The following SUGCT variants were observed in gnomAD, a reference collection of about 807,000 sequenced individuals.
SUGCT encodes the protein succinyl-CoA:glutarate-CoA transferase.
A neutral mutation model predicts 55.0 loss-of-function variants in SUGCT; 41 were observed. The observed-to-expected ratio is 0.74, with a 90% confidence interval of 0.58 to 0.97. The LOEUF is 0.97. SUGCT is among the 50% of genes least tolerant of loss of function. The pLI, the probability that SUGCT is intolerant of heterozygous loss-of-function variation, is 0.00. For missense variants in SUGCT, 568 were observed against 547.8 expected (o/e 1.04, Z -0.37); for synonymous variants, 187 against 200.4 (o/e 0.93, Z 0.56).
rs1338885686 is a variant in SUGCT, at chr7:40,847,407, C to CTTTTTTTTTTTTTTTTT, written c.1154-12906_1154-12905insTTTTTTTTTTTTTTTTT. ...GATGACATATACATTTCTTTTCTTT[C>CTTTTTTTTTTTTTTTTT]TTTCTTTTTTTTTTTTTTTTTTTTT... On this transcript the variant is annotated intron_variant, in intron 13 of 13. Coordinates refer to ENST00000335693, the MANE Select transcript of SUGCT (RefSeq NM_001193313.2). Among the ~76,000 whole-genome samples, 7 of 117,888 alleles carry CTTTTTTTTTTTTTTTTT rather than the reference C, an allele frequency of 5.9e-5. No homozygotes were observed. In the East Asian group the frequency reaches 1.5e-3, roughly 25 times the overall value. The allele number at this position is 117,888 out of a possible 152,430, so 77.3% of individuals were successfully genotyped here.
At chr7:40,714,535 C>T (rs746826867) in intron 12 of SUGCT, among the ~76,000 whole-genome samples, 1 of 152,126 alleles carries the variant, frequency 6.6e-6, no homozygotes, top group Admixed American at 6.6e-5. Context: ...AGAGCAGAGC[C>T]TCTCTCCAGC....
At chr7:40,565,183 T>C (rs1447291333) in intron 12 of SUGCT, among the ~76,000 whole-genome samples, 1 of 152,238 alleles carries the variant, frequency 6.6e-6, no homozygotes, top group Non-Finnish European at 1.5e-5. Flanking sequence ...CTCAATTTTT[T>C]ACCATTACTC....
At chr7:40,505,543 C>T (rs533684155) in intron 12 of SUGCT, among the ~76,000 whole-genome samples, 3 of 152,088 alleles carry the variant, frequency 2.0e-5, no homozygotes, top group Admixed American at 2.0e-4. Context: ...ATTGTTTTAT[C>T]TAAGCCTTGT....
the SUGCT span, among the ~76,000 whole-genome samples, chr7:41,009,810 A>T: frequency 1.3e-5 from 2 of 152,222 alleles, no homozygotes; most frequent in South Asian, 2.1e-4. Flanking sequence ...CAAGTACCCC[A>T]GATGTGTTAA....
intron 9 of SUGCT, among the ~76,000 whole-genome samples, chr7:40,344,020 C>T (rs1054026179): frequency 2.0e-5 from 3 of 152,116 alleles, no homozygotes; most frequent in Non-Finnish European, 4.4e-5. Flanking sequence ...CAGGAGGTTG[C>T]GTATTGGATA....
chr7:40,264,665 A>C (rs1584502668), intron 7 of SUGCT, among the ~76,000 whole-genome samples: 1 of 152,230 alleles, frequency 6.6e-6, no homozygotes, highest in African/African-American at 2.4e-5. Flanking sequence ...TTTAACAATG[A>C]AAATACTACC....
intron 1 of SUGCT, among the ~76,000 whole-genome samples, chr7:40,161,943 C>T (rs977662899): frequency 6.6e-6 from 1 of 152,110 alleles, no homozygotes; most frequent in African/African-American, 2.4e-5. Context: ...TGTCACCAGG[C>T]TGGAGTGCAG....
chr7:40,393,448 G>A (rs185410722), intron 9 of SUGCT, among the ~76,000 whole-genome samples: 25 of 152,324 alleles, frequency 1.6e-4, no homozygotes, highest in Admixed American at 1.4e-3. Context: ...GTGACACATT[G>A]GGTGTAGAAG....
intron 9 of SUGCT, among the ~76,000 whole-genome samples, chr7:40,333,697 ATATAT>A (rs1212482815): frequency 3.7e-5 from 5 of 133,604 alleles, no homozygotes; most frequent in South Asian, 4.6e-4. Context: ...ATATATATAT[ATATAT>A]AAATATTTAT....
chr7:41,013,669 G>A, the SUGCT span, among the ~76,000 whole-genome samples: 1 of 152,116 alleles, frequency 6.6e-6, no homozygotes, highest in African/African-American at 2.4e-5. Flanking sequence ...GCTGATTTAG[G>A]AGGGCAAATA....
the SUGCT span, among the ~76,000 whole-genome samples, chr7:40,962,837 C>A: frequency 6.6e-6 from 1 of 152,128 alleles, no homozygotes; most frequent in Non-Finnish European, 1.5e-5. Flanking sequence ...TATGGATCAG[C>A]TCCTGGAAAC....
intron 9 of SUGCT, among the ~76,000 whole-genome samples, chr7:40,445,791 A>T: frequency 6.6e-6 from 1 of 152,196 alleles, no homozygotes; most frequent in East Asian, 1.9e-4. Flanking sequence ...ATGTTTATTA[A>T]ATAAATACTG....
chr7:40,529,826 A>C (rs974824686), intron 12 of SUGCT, among the ~76,000 whole-genome samples: 12 of 151,926 alleles, frequency 7.9e-5, no homozygotes, highest in Non-Finnish European at 1.6e-4. Flanking sequence ...CTATGCACCA[A>C]CCTAATAAAT....
At chr7:40,927,081 A>G in the SUGCT span, among the ~76,000 whole-genome samples, 3 of 152,194 alleles carry the variant, frequency 2.0e-5, no homozygotes, top group Non-Finnish European at 4.4e-5. Flanking sequence ...ATAGTGTCTC[A>G]AAGACTATAA....
chr7:41,015,279 G>A, the SUGCT span, among the ~76,000 whole-genome samples: 2 of 152,190 alleles, frequency 1.3e-5, no homozygotes, highest in African/African-American at 4.8e-5. Context: ...GTTGACGGTG[G>A]TGATGATGAT....
intron 12 of SUGCT, among the ~76,000 whole-genome samples, chr7:40,748,616 C>G (rs1562979036): frequency 6.6e-6 from 1 of 151,188 alleles, no homozygotes; most frequent in Non-Finnish European, 1.5e-5. Context: ...TAAAAATATA[C>G]TTATTGTTGT....
the SUGCT span, among the ~76,000 whole-genome samples, chr7:40,946,853 A>G: frequency 1.3e-5 from 2 of 152,084 alleles, no homozygotes; most frequent in Admixed American, 1.3e-4. Context: ...TGATATTTGT[A>G]TTTCACGACT....
intron 12 of SUGCT, among the ~76,000 whole-genome samples, chr7:40,686,287 C>T (rs1784460581): frequency 6.6e-6 from 1 of 152,120 alleles, no homozygotes; most frequent in Non-Finnish European, 1.5e-5. Context: ...AGCTTGTGAC[C>T]TTGAGCAAGT....
chr7:40,874,032 C>T, the SUGCT span, among the ~76,000 whole-genome samples: 1 of 40,578 alleles, frequency 2.5e-5, no homozygotes. Context: ...ACAGGAACAC[C>T]AACCACTGGC....
Sources: allele counts gnomAD v4.1 joint callset (sites outside exome capture counted in the v4.1 genomes callset), GRCh38; gene constraint gnomAD v4.1.1; transcripts MANE v1.5; gene names NCBI Gene and HGNC (gene_info 2026-07-23, HGNC 2026-07-21).